Variants in ATF7 observed in about 807,000 individuals in gnomAD.
ATF7 encodes the protein cyclic AMP-dependent transcription factor ATF-7.
Under a neutral mutation model 50.4 loss-of-function variants are expected in ATF7, and 10 were observed. The ratio of observed to expected loss-of-function variants is 0.20; its 90% CI spans 0.12 to 0.34. ATF7 has a LOEUF of 0.34. Ranked by LOEUF, ATF7 falls within the 10% of genes least tolerant of loss-of-function variation. ATF7 has a pLI of 1.00. For missense variants in ATF7, 465 were observed against 613.9 expected (o/e 0.76, Z 2.56); for synonymous variants, 201 against 226.4 (o/e 0.89, Z 1.01).
chr12:53,562,310 C>T (rs1460100606), intron 2 of ATF7, among the ~76,000 whole-genome samples: 1 of 152,158 alleles, frequency 6.6e-6, no homozygotes, highest in African/African-American at 2.4e-5. Flanking sequence ...GCACGTCTCA[C>T]TAAAGTGCTA....
At chr12:53,570,013 C>T (rs939636591) in intron 2 of ATF7, among the ~76,000 whole-genome samples, 36 of 152,146 alleles carry the variant, frequency 2.4e-4, no homozygotes, top group African/African-American at 8.7e-4. Context: ...CCCACAGAGG[C>T]TTATGAAGGT....
intron 3 of ATF7, among the ~76,000 whole-genome samples, chr12:53,551,779 T>A (rs1940372084): frequency 6.6e-6 from 1 of 152,174 alleles, no homozygotes; most frequent in African/African-American, 2.4e-5. Flanking sequence ...CTAAACACCC[T>A]AGGAATTAAA....
intron 7 of ATF7, 108 bp downstream of exon 7, chr12:53,533,052 G>T: frequency 1.0e-6 from 1 of 995,086 alleles, no homozygotes; most frequent in Non-Finnish European, 1.5e-6. Context: ...AGCTAATATA[G>T]ATCAGAGCCC....
intron 2 of ATF7, among the ~76,000 whole-genome samples, chr12:53,556,452 G>A (rs573686157): frequency 2.6e-5 from 4 of 152,230 alleles, no homozygotes; most frequent in Middle Eastern, 3.4e-3. Flanking sequence ...ATGCCTAGGG[G>A]GAGAATAAAA....
At chr12:53,510,950 G>C (rs1944116045), downstream of ATF7, among the ~76,000 whole-genome samples, 1 of 152,148 alleles carries the variant, frequency 6.6e-6, no homozygotes, top group South Asian at 2.1e-4. Flanking sequence ...ATGTGCTCCT[G>C]GCCACAACAC....
At chr12:53,548,071 T>G (rs1940069034) in intron 3 of ATF7, among the ~76,000 whole-genome samples, 1 of 151,980 alleles carries the variant, frequency 6.6e-6, no homozygotes, top group African/African-American at 2.4e-5. Context: ...TTCATTGTGT[T>G]GCCCAGGCTG....
At chr12:53,619,602 T>C (rs1458730482) in intron 1 of ATF7, among the ~76,000 whole-genome samples, 1 of 150,494 alleles carries the variant, frequency 6.6e-6, no homozygotes, top group Non-Finnish European at 1.5e-5. Flanking sequence ...CACCTGAACT[T>C]AGGAATTCAA....
intron 1 of ATF7, among the ~76,000 whole-genome samples, chr12:53,611,253 G>A (rs1943866971): frequency 6.6e-6 from 1 of 152,148 alleles, no homozygotes; most frequent in Non-Finnish European, 1.5e-5. Context: ...GGCAGATTAC[G>A]AGGTCAGGAG....
chr12:53,534,537 G>C lies in ATF7; in HGVS notation c.525C>G (p.Val175=), dbSNP rs1181142720. Residue 175 remains valine, a synonymous_variant, in exon 6 of 12, where the codon GTC becomes GTG. Coordinates refer to ENST00000420353, the MANE Select transcript of ATF7 (RefSeq NM_006856.3). ...TGTTGGATGGTGGAGCCTGTGTGAT[G>C]ACAGAGGTTGGGGAGGGAAGGGTTG... is the stretch of plus-strand genomic sequence containing the variant. ...LHPTLPSPTS[V]ITQAPPSNRQ... 3.1e-6 allele frequency: 5 copies of C among 1,613,926 alleles called. No homozygotes were observed. Among genetic ancestry groups the C allele is most frequent in the Non-Finnish European group, 4.2e-6 (5 of 1,179,854 alleles).
intron 9 of ATF7, among the ~76,000 whole-genome samples, chr12:53,529,698 T>TACACACACACAC: frequency 7.1e-5 from 7 of 98,238 alleles, no homozygotes; most frequent in African/African-American, 2.9e-4. Context: ...TAAATACATA[T>TACACACACACAC]ATATATACAC....
At chr12:53,559,807 C>T (rs891284649) in intron 2 of ATF7, among the ~76,000 whole-genome samples, 2 of 152,266 alleles carry the variant, frequency 1.3e-5, no homozygotes, top group Non-Finnish European at 2.9e-5. Context: ...TCACTGAAGC[C>T]TCCCATATAT....
chr12:53,548,996 C>A (rs1299557704), intron 3 of ATF7, among the ~76,000 whole-genome samples: 1 of 151,198 alleles, frequency 6.6e-6, no homozygotes, highest in East Asian at 2.0e-4. Flanking sequence ...AAAAAATACC[C>A]CCCAAAACGG....
intron 2 of ATF7, among the ~76,000 whole-genome samples, chr12:53,589,659 C>T (rs1338925132): frequency 1.3e-5 from 2 of 152,126 alleles, no homozygotes; most frequent in African/African-American, 4.8e-5. Context: ...CTGGGAGATT[C>T]TCATATTTAG....
At chr12:53,561,535 C>T (rs944064647) in intron 2 of ATF7, among the ~76,000 whole-genome samples, 2 of 152,106 alleles carry the variant, frequency 1.3e-5, no homozygotes, top group Non-Finnish European at 1.5e-5. Context: ...GCTTCTTGCC[C>T]TCACTGCAGT....
intron 4 of ATF7, among the ~76,000 whole-genome samples, chr12:53,539,826 T>G (rs1168892622): frequency 2.0e-5 from 3 of 152,136 alleles, no homozygotes; most frequent in Non-Finnish European, 4.4e-5. Context: ...CTCAGCACTT[T>G]GGGAAGCTGA....
At chr12:53,537,272 T>C in intron 5 of ATF7, 143 bp downstream of exon 5, 28 of 940,684 alleles carry the variant, frequency 3.0e-5, no homozygotes, top group Non-Finnish European at 4.1e-5. Context: ...TTTCTCCATG[T>C]TGCCCAGGCT....
In ATF7 at chr12:53,537,373, T is replaced by C. The variant is rs182543261; in HGVS notation, c.402+42A>G. On this transcript the variant is annotated intron_variant, in intron 5 of 11. Transcript: ENST00000420353. ...TTTATATAATTAATGAATCAAAACT[T>C]TATCAATTAACATTTGAGATGATCC... 3.8e-5 allele frequency: 61 copies of C among 1,607,616 alleles called. No individual in the cohort carries two copies. In the African/African-American group the frequency reaches 7.6e-4, roughly 20 times the overall value.
At chr12:53,534,377 T>C in intron 6 of ATF7, 125 bp downstream of exon 6, 1 of 1,395,614 alleles carries the variant, frequency 7.2e-7, no homozygotes. Context: ...AAAATTTATT[T>C]TGAGAGATAA....
intron 4 of ATF7, among the ~76,000 whole-genome samples, chr12:53,540,167 A>G (rs1190892243): frequency 6.6e-6 from 1 of 152,000 alleles, no homozygotes; most frequent in East Asian, 1.9e-4. Flanking sequence ...CCAGGCCAAC[A>G]TGGTGAAACC....
Sources: allele counts gnomAD v4.1 joint callset (sites outside exome capture counted in the v4.1 genomes callset), GRCh38; gene constraint gnomAD v4.1.1; transcripts MANE v1.5; gene names NCBI Gene and HGNC (gene_info 2026-07-23, HGNC 2026-07-21).